Variants in C4orf50 observed in about 807,000 individuals in gnomAD.
C4orf50 encodes uncharacterized protein C4orf50.
In C4orf50, 80 loss-of-function variants were observed where a neutral mutation model predicts 77.2. The ratio of observed to expected loss-of-function variants is 1.04; its 90% CI spans 0.87 to 1.25. The LOEUF is 1.25. Ranked by LOEUF, C4orf50 falls within the 50% of genes most tolerant of loss-of-function variation. The probability of loss-of-function intolerance (pLI) is 0.00; values close to 1 mark genes in which losing one functional copy is unlikely to be tolerated. For synonymous variants in C4orf50, 532 were observed against 465.3 expected, an observed-to-expected ratio of 1.14 and a Z score of -1.84; for missense variants, 1,257 against 1,152.9, an observed-to-expected ratio of 1.09 and a Z score of -1.31.
At chr4:5,966,907 C>G (rs1400899594) in intron 32 of C4orf50, among the ~76,000 whole-genome samples, 1 of 152,192 alleles carries the variant, frequency 6.6e-6, no homozygotes, top group Non-Finnish European at 1.5e-5. Context: ...CTCGGCCCCC[C>G]AAAGTGCTGG....
intron 30 of C4orf50, among the ~76,000 whole-genome samples, chr4:5,975,104 C>T (rs1720180612): frequency 7.7e-6 from 1 of 129,816 alleles, no homozygotes; most frequent in African/African-American, 2.9e-5. Flanking sequence ...CGTACCATTG[C>T]ACTCCAGCCT....
chr4:5,918,445 C>CA (rs1185450136), intron 7 of C4orf50, among the ~76,000 whole-genome samples: 1 of 152,174 alleles, frequency 6.6e-6, no homozygotes, highest in Non-Finnish European at 1.5e-5. Context: ...AAAAACAACC[C>CA]AATGTCCTCC....
intron 31 of C4orf50, among the ~76,000 whole-genome samples, chr4:5,973,003 C>T (rs1356320159): frequency 6.6e-6 from 1 of 152,222 alleles, no homozygotes; most frequent in African/African-American, 2.4e-5. Flanking sequence ...GATTCTCATT[C>T]ATTTGGTTCA....
chr4:5,999,989 AGAACACCGGGGGCCTT>A lies in C4orf50; in HGVS notation c.964-5529_964-5514del, dbSNP rs1721759468. 2.0e-5 allele frequency among the ~76,000 whole-genome samples: 3 copies of A among 152,176 alleles called. No individual in the cohort carries two copies. The South Asian group carries it at 6.2e-4, about 32-fold the overall frequency. On this transcript the variant is annotated intron_variant, in intron 25 of 33. Transcript: ENST00000531445. ...TATGGGGGACTGAGCTTGAAGGAGCAGAACACCGGGGGCCTTGAATGCCGTGGATAGGAGGTTGAAC... is the reference window on the plus strand; with the variant it reads ...TATGGGGGACTGAGCTTGAAGGAGCAGAATGCCGTGGATAGGAGGTTGAAC...
chr4:5,986,393 A>G (rs1041335467), intron 28 of C4orf50, among the ~76,000 whole-genome samples: 1 of 110,890 alleles, frequency 9.0e-6, no homozygotes, highest in African/African-American at 3.3e-5. Flanking sequence ...ACATATTTCT[A>G]AATAACCCAA....
At chr4:5,954,190 CG>C (rs140398964), downstream of C4orf50, among the ~76,000 whole-genome samples, 1,380 of 152,246 alleles carry the variant, frequency 9.1e-3, 20 homozygotes, top group African/African-American at 0.032. This position sits in a 1 kb window ranked among gnomAD's most constrained non-coding sequence, Gnocchi z 4.7. Context: ...TCAGTGACAA[CG>C]GGGAATGGCT....
chr4:6,014,732 C>G (rs150718545), intron 23 of C4orf50, among the ~76,000 whole-genome samples: 1 of 152,354 alleles, frequency 6.6e-6, no homozygotes, highest in African/African-American at 2.4e-5. Context: ...GATGATGTCA[C>G]CCCATGCATC....
At chr4:5,984,517 G>A (rs1019366104) in intron 28 of C4orf50, among the ~76,000 whole-genome samples, 2 of 152,090 alleles carry the variant, frequency 1.3e-5, no homozygotes, top group African/African-American at 2.4e-5. Flanking sequence ...CGGAGAACCA[G>A]AATCTCTTTT....
chr4:5,956,083 A>C (rs1346226249), downstream of C4orf50, among the ~76,000 whole-genome samples: 1 of 152,204 alleles, frequency 6.6e-6, no homozygotes, highest in Non-Finnish European at 1.5e-5. Flanking sequence ...ATAGGTTGTG[A>C]GAAGTGTGTG....
intron 7 of C4orf50, among the ~76,000 whole-genome samples, chr4:5,936,431 G>T (rs908660395): frequency 6.6e-6 from 1 of 151,728 alleles, no homozygotes; most frequent in Admixed American, 6.6e-5. Context: ...TCGTGGTGGC[G>T]GGCGCCTCTA....
At position 5,936,778 on chromosome 4, in the gene C4orf50, G is replaced by C. The variant is rs192948509; in HGVS notation, c.*2474+20123C>G. On this transcript the variant is annotated intron_variant, in intron 7 of 7. Coordinates refer to the C4orf50 transcript ENST00000324058. The stretch of plus-strand genomic sequence containing the variant: ...ACAAATTCTCAGATTCAGAAATCAT[G>C]AACCCCAGGTAGGATAGATAAAAAT... Among the ~76,000 whole-genome samples, 377 of 152,134 alleles carry C rather than the reference G, an allele frequency of 2.5e-3. 1 individual carries two copies. The highest frequency in any genetic ancestry group is 5.4e-3 in the South Asian group (26 of 4,812).
chr4:5,930,501 C>A (rs1456131189), intron 7 of C4orf50, among the ~76,000 whole-genome samples: 1 of 152,202 alleles, frequency 6.6e-6, no homozygotes, highest in African/African-American at 2.4e-5. Context: ...CTAGAAGAAT[C>A]AAAGTGTTCA....
intron 32 of C4orf50, among the ~76,000 whole-genome samples, chr4:5,965,939 G>C (rs980859665): frequency 1.3e-5 from 2 of 152,194 alleles, no homozygotes; most frequent in Non-Finnish European, 2.9e-5. Flanking sequence ...CTCAATAGCA[G>C]CTTGGTCTTA....
chr4:5,930,714 T>C lies in C4orf50; in HGVS notation c.*2474+26187A>G, dbSNP rs1479192727. 2.0e-5 allele frequency among the ~76,000 whole-genome samples: 3 copies of C among 152,268 alleles called. No individual in the cohort carries two copies. In the East Asian group the frequency reaches 5.8e-4, roughly 29 times the overall value. The stretch of plus-strand genomic sequence containing the variant: ...CTCTCCAGAGCCGGATCCCCCTCCA[T>C]GAGTGAACATATGTGTTACAGTTTA... On this transcript the variant is annotated intron_variant, in intron 7 of 7. Coordinates refer to the C4orf50 transcript ENST00000324058.
exon 34 of C4orf50, chr4:5,959,121 T>C: frequency 4.3e-6 from 2 of 465,088 alleles, no homozygotes; most frequent in Admixed American, 3.4e-5. Flanking sequence ...AATCATTCAA[T>C]AGGTTTTGGT....
intron 30 of C4orf50, among the ~76,000 whole-genome samples, chr4:5,975,273 T>C (rs956928901): frequency 6.6e-6 from 1 of 151,332 alleles, no homozygotes; most frequent in African/African-American, 2.4e-5. Context: ...GGTGATTTTA[T>C]GGACCAAGGC....
intron 25 of C4orf50, among the ~76,000 whole-genome samples, chr4:6,004,122 ATAG>A (rs574624498): frequency 3.0e-5 from 1 of 33,144 alleles, no homozygotes; most frequent in Non-Finnish European, 6.5e-5. Flanking sequence ...GATGATGGTG[ATAG>A]TGATGATGGT....
Position 5,982,297 on chromosome 4 carries a change from G to A in C4orf50, c.3700-1959C>T, listed in dbSNP as rs909046641. 1.1e-4 allele frequency among the ~76,000 whole-genome samples: 16 copies of A among 152,160 alleles called. No individual in the cohort carries two copies. In the South Asian group the frequency reaches 1.2e-3, roughly 12 times the overall value. On this transcript the variant is annotated intron_variant, in intron 28 of 33. Transcript: ENST00000531445. The stretch of plus-strand genomic sequence containing the variant: ...TATCCTCTAAAGAGAATGGCTGTGC[G>A]GTGGGGGGTGGGCAGCCTGCTGTCC...
chr4:5,973,469 T>C (rs1410343146), intron 31 of C4orf50, among the ~76,000 whole-genome samples, 190 bp downstream of exon 9: 1 of 152,158 alleles, frequency 6.6e-6, no homozygotes, highest in Non-Finnish European at 1.5e-5. Flanking sequence ...GATTGCCAGA[T>C]GCATCTTCCC....
Sources: gnomAD v4.1 joint callset for allele counts (sites outside exome capture counted in the v4.1 genomes callset) on GRCh38, gnomAD v4.1.1 for gene constraint, Gnocchi (gnomAD v3.1) non-coding constraint, MANE v1.5 for transcripts, NCBI Gene and HGNC (gene_info 2026-07-23, HGNC 2026-07-21) for gene names.